Variants in PCDHGA4 observed in about 807,000 individuals in gnomAD.
PCDHGA4 encodes the protein protocadherin gamma-A4.
Under a neutral mutation model 54.6 loss-of-function variants are expected in PCDHGA4, and 38 were observed. That is an observed-to-expected ratio of 0.70 (90% confidence interval 0.54 to 0.91). The LOEUF is 0.91. Ranked by LOEUF, PCDHGA4 falls within the 40% of genes least tolerant of loss-of-function variation. The pLI, the probability that PCDHGA4 is intolerant of heterozygous loss-of-function variation, is 0.00. For synonymous variants in PCDHGA4, 511 were observed against 512.9 expected (o/e 1.00, Z 0.05); for missense variants, 1,298 against 1,220.9 (o/e 1.06, Z -0.94).
At chr5:141,412,001 A>G (rs2095528527) in intron 1 of PCDHGA4, 1 of 151,750 alleles carries the variant, frequency 6.6e-6, no homozygotes, top group Non-Finnish European at 1.5e-5. Flanking sequence ...GCATAGTGAC[A>G]TAAACACTTC....
Position 141,510,982 on chromosome 5 carries a change from G to A in PCDHGA4, c.2698G>A (p.Ala900Thr). The A allele has an allele frequency of 3.1e-6, 5 of 1,614,166 alleles. No homozygotes were observed. Among genetic ancestry groups the A allele is most frequent in the Non-Finnish European group, 3.4e-6 (4 of 1,180,018 alleles). Reference protein sequence around the residue: ...ADGSSTLGGGAGTMGLSARYG... With the variant: ...ADGSSTLGGGTGTMGLSARYG... Reference sequence around the variant, plus strand: ...TGGGAGCTCCACCCTGGGAGGGGGTGCCGGCACCATGGGATTGAGCGCCCG... The same window carrying A: ...TGGGAGCTCCACCCTGGGAGGGGGTACCGGCACCATGGGATTGAGCGCCCG... The change falls in exon 4 of 4, where the codon GCC (alanine) becomes ACC (threonine). Residue 900 changes from alanine to threonine, a missense_variant. Coordinates refer to ENST00000571252, the MANE Select transcript of PCDHGA4 (RefSeq NM_018917.4).
chr5:141,372,939 G>T (rs1026338118), intron 1 of PCDHGA4: 1 of 824,796 alleles, frequency 1.2e-6, no homozygotes, highest in Non-Finnish European at 1.8e-6. Context: ...GTAGAGTAGG[G>T]TGTCTAGGAA....
chr5:141,470,870 G>GT (rs1230952624), intron 1 of PCDHGA4, among the ~76,000 whole-genome samples: 1 of 151,546 alleles, frequency 6.6e-6, no homozygotes, highest in Non-Finnish European at 1.5e-5. Context: ...TTGTTTGTTT[G>GT]TTTTTTTGTT....
At chr5:141,384,521 C>T (rs1255804611) in intron 1 of PCDHGA4, 3 of 1,614,122 alleles carry the variant, frequency 1.9e-6, no homozygotes, top group Non-Finnish European at 1.7e-6. Flanking sequence ...GGGGACCCGC[C>T]TCTCAGCAGC....
chr5:141,460,938 A>G (rs532872249), intron 1 of PCDHGA4, among the ~76,000 whole-genome samples: 38 of 149,918 alleles, frequency 2.5e-4, no homozygotes, highest in African/African-American at 9.1e-4. Context: ...GTGTGTGTAT[A>G]TATATGTATT....
intron 1 of PCDHGA4, chr5:141,478,906 C>T: frequency 1.1e-6 from 1 of 906,534 alleles, no homozygotes; most frequent in Non-Finnish European, 1.6e-6. Context: ...GAATAAGCTG[C>T]TGGATACCTC....
Position 141,403,985 on chromosome 5 carries a change from C to T in PCDHGA4, c.2514+46364C>T, listed in dbSNP as rs765326042. The T allele has an allele frequency of 5.7e-5, 92 of 1,613,546 alleles. No individual in the cohort carries two copies. The Admixed American group carries it at 7.2e-4, about 13-fold the overall frequency. On this transcript the variant is annotated intron_variant, in intron 1 of 3. Coordinates refer to ENST00000571252, the MANE Select transcript of PCDHGA4 (RefSeq NM_018917.4). ...GGTGGAAGATGTAAATGACAATAGA[C>T]CTGAAGTGACCATTACATCTCTGTT...
At chr5:141,472,786 G>A (rs549389294) in intron 1 of PCDHGA4, among the ~76,000 whole-genome samples, 1 of 151,888 alleles carries the variant, frequency 6.6e-6, no homozygotes, top group Non-Finnish European at 1.5e-5. Flanking sequence ...GGGAGTTCAA[G>A]ATCAGCCTGA....
rs1193183986 is a variant in PCDHGA4 at position 141,355,300 on chromosome 5, T to A, written c.193T>A (p.Ser65Thr). Residue 65 changes from serine (S) to threonine (T), a missense_variant, in exon 1 of 4, where the codon TCG becomes ACG. Coordinates refer to ENST00000571252, the MANE Select transcript of PCDHGA4 (RefSeq NM_018917.4). ...VEIRAEQILY[S>T]VFEEQEEGSV... ...AATCAGGGCCGAACAGATTCTCTACTCGGTGTTTGAGGAGCAGGAAGAAGG... is the reference window on the plus strand; with the variant it reads ...AATCAGGGCCGAACAGATTCTCTACACGGTGTTTGAGGAGCAGGAAGAAGG... 2 of 1,613,914 alleles carry A rather than the reference T, an allele frequency of 1.2e-6. No individual in the cohort carries two copies. Among genetic ancestry groups the A allele is most frequent in the Non-Finnish European group, 8.5e-7 (1 of 1,179,896 alleles).
rs779981011 is a variant in PCDHGA4 at position 141,395,287 on chromosome 5, G to T, written c.2514+37666G>T. 11 of 1,533,118 alleles carry T rather than the reference G, an allele frequency of 7.2e-6. No homozygotes were observed. The South Asian group carries it at 1.3e-4, about 18-fold the overall frequency. 95.0% of individuals were successfully genotyped at this position (1,533,118 alleles called of 1,614,324 possible). A position where few individuals can be genotyped will look rare whatever the true frequency, so the allele number is the denominator to read the frequency against. On this transcript the variant is annotated intron_variant, in intron 1 of 3. Transcript: ENST00000571252. ...TTAATTTCCAGATGAATTTTATTTG[G>T]CATAAATTATGTTTTGAAAAACATT...
At chr5:141,418,604 G>A in intron 1 of PCDHGA4, 2 of 1,614,040 alleles carry the variant, frequency 1.2e-6, no homozygotes, top group Non-Finnish European at 1.7e-6. Context: ...CGTGTACAGG[G>A]TTAGCCTTCG....
chr5:141,482,102 A>T (rs1016315214), intron 1 of PCDHGA4, among the ~76,000 whole-genome samples: 13 of 151,860 alleles, frequency 8.6e-5, no homozygotes, highest in African/African-American at 2.7e-4. Context: ...AAAAAAAAAA[A>T]AAATATCTAG....
chr5:141,500,430 C>T (rs2099800127), intron 2 of PCDHGA4, among the ~76,000 whole-genome samples: 1 of 151,676 alleles, frequency 6.6e-6, no homozygotes, highest in African/African-American at 2.4e-5. Context: ...AGGATGGTCT[C>T]GATCTCCTGA....
chr5:141,358,466 T>A (rs1432886390), intron 1 of PCDHGA4, among the ~76,000 whole-genome samples: 1 of 152,230 alleles, frequency 6.6e-6, no homozygotes, highest in Non-Finnish European at 1.5e-5. Context: ...ACTGGCAATT[T>A]GTGAGTTTAA....
At chr5:141,451,113 C>T (rs2098707217) in intron 1 of PCDHGA4, among the ~76,000 whole-genome samples, 1 of 152,152 alleles carries the variant, frequency 6.6e-6, no homozygotes. Context: ...CAGGCGTGAG[C>T]CACCACACCC....
At chr5:141,479,671 G>A (rs1484965995) in intron 1 of PCDHGA4, 1 of 152,196 alleles carries the variant, frequency 6.6e-6, no homozygotes, top group Non-Finnish European at 1.5e-5. Flanking sequence ...AACTACAAAA[G>A]GAGAGTCTTT....
chr5:141,432,476 A>G lies in PCDHGA4; in HGVS notation c.2515-62331A>G. 1 of 1,614,080 alleles carries G rather than the reference A, an allele frequency of 6.2e-7. No homozygotes were observed. Among genetic ancestry groups the G allele is most frequent in the East Asian group, 2.2e-5 (1 of 44,874 alleles). ...CCCCGCCCTCCCCACGGACGGTTCCACTGGCGTGGAGCTGGCTCCCCGCTC... is the reference window on the plus strand; with the variant it reads ...CCCCGCCCTCCCCACGGACGGTTCCGCTGGCGTGGAGCTGGCTCCCCGCTC... On this transcript the variant is annotated intron_variant, in intron 1 of 3. Transcript: ENST00000571252. The surrounding 1 kb of genome is among the most constrained non-coding windows in gnomAD (Gnocchi z 6.0).
intron 1 of PCDHGA4, among the ~76,000 whole-genome samples, chr5:141,468,193 C>T (rs2099159672): frequency 6.6e-6 from 1 of 151,600 alleles, no homozygotes; most frequent in Non-Finnish European, 1.5e-5. Flanking sequence ...GGCATGGTGG[C>T]GGGTGCCTGT....
Position 141,356,579 on chromosome 5 carries a change from A to T in PCDHGA4, c.1472A>T (p.Tyr491Phe), listed in dbSNP as rs115115119. The T allele has an allele frequency of 9.9e-6, 16 of 1,614,150 alleles. No individual in the cohort carries two copies. The East Asian group carries it at 3.3e-4, about 34-fold the overall frequency. ...TTCCCTCATGCTTCCTACTCTGCTTACATTCCTGAAAACAACCCCAGAGGA... is the reference window on the plus strand; with the variant it reads ...TTCCCTCATGCTTCCTACTCTGCTTTCATTCCTGAAAACAACCCCAGAGGA... ...PTFPHASYSAYIPENNPRGAS... is the reference protein window; with the variant it reads ...PTFPHASYSAFIPENNPRGAS... Residue 491 changes from tyrosine to phenylalanine, a missense_variant, in exon 1 of 4, where the codon TAC (tyrosine) becomes TTC (phenylalanine). Physicochemically the swap from Tyr to Phe is conservative, Grantham distance 22. Transcript: ENST00000571252.
Sources: allele counts gnomAD v4.1 joint callset (sites outside exome capture counted in the v4.1 genomes callset), GRCh38; gene constraint gnomAD v4.1.1; non-coding constraint Gnocchi (gnomAD v3.1); transcripts MANE v1.5; gene names NCBI Gene and HGNC (gene_info 2026-07-23, HGNC 2026-07-21).